PDZRN3: variants seen among roughly 807,000 people sequenced by gnomAD.
PDZRN3 encodes the protein E3 ubiquitin-protein ligase PDZRN3.
Under a neutral mutation model 85.7 loss-of-function variants are expected in PDZRN3, and 38 were observed. The observed-to-expected ratio is 0.44, with a 90% CI of 0.34 to 0.58. The LOEUF is 0.58. Among genes scored for constraint, PDZRN3 ranks in the 20% least tolerant of loss-of-function variants. The pLI, the probability that PDZRN3 is intolerant of heterozygous loss-of-function variation, is 0.01. For synonymous variants in PDZRN3, 759 were observed against 638.0 expected (o/e 1.19, Z -2.86); for missense variants, 1,629 against 1,506.4 (o/e 1.08, Z -1.35).
In PDZRN3 at chr3:73,481,462, T is replaced by C. The variant is rs531451856; in HGVS notation, c.919-77067A>G. Among the ~76,000 whole-genome samples the C allele has an allele frequency of 4.7e-4, 72 of 152,044 alleles. 2 individuals are homozygous for C. Among genetic ancestry groups the C allele is most frequent in the Admixed American group, 2.2e-3 (33 of 15,258 alleles). ...TCTTCTGCCTCAGCCTCCCAAGTAGTTGGGATTACAGGCATGCGCCTTCAT... is the reference window on the plus strand; with the variant it reads ...TCTTCTGCCTCAGCCTCCCAAGTAGCTGGGATTACAGGCATGCGCCTTCAT... On this transcript the variant is annotated intron_variant, in intron 3 of 9. Coordinates refer to ENST00000263666, the MANE Select transcript of PDZRN3 (RefSeq NM_015009.3).
intron 3 of PDZRN3, among the ~76,000 whole-genome samples, chr3:73,476,450 C>T (rs1226107883): frequency 6.6e-6 from 1 of 152,184 alleles, no homozygotes; most frequent in Non-Finnish European, 1.5e-5. Flanking sequence ...ATCCAATCAT[C>T]TCCCACCTGG....
At chr3:73,411,401 G>T (rs1418823635) in intron 3 of PDZRN3, among the ~76,000 whole-genome samples, 1 of 152,206 alleles carries the variant, frequency 6.6e-6, no homozygotes, top group African/African-American at 2.4e-5. Context: ...TTCTCTGTCT[G>T]TCTCTGTTTT....
intron 4 of PDZRN3, among the ~76,000 whole-genome samples, chr3:73,401,576 T>C (rs1410218616): frequency 6.6e-6 from 1 of 152,144 alleles, no homozygotes; most frequent in Non-Finnish European, 1.5e-5. Flanking sequence ...CATACAAACA[T>C]GTAGGCATAA....
intron 3 of PDZRN3, among the ~76,000 whole-genome samples, chr3:73,409,646 G>C (rs11128335): frequency 0.64 from 97,448 of 151,962 alleles, 31,642 homozygotes; most frequent in East Asian, 0.86. Flanking sequence ...GACTACACAC[G>C]ATGGAATGCT....
chr3:73,476,950 C>T (rs753277680), intron 3 of PDZRN3, among the ~76,000 whole-genome samples: 15 of 152,098 alleles, frequency 9.9e-5, no homozygotes, highest in Non-Finnish European at 1.9e-4. Flanking sequence ...GTGAGACAAT[C>T]GGTTTTTTTT....
chr3:73,470,766 A>G (rs1440494893), intron 3 of PDZRN3, among the ~76,000 whole-genome samples: 3 of 152,224 alleles, frequency 2.0e-5, no homozygotes, highest in Non-Finnish European at 4.4e-5. Flanking sequence ...TGCAGGACCC[A>G]AAGACCCACT....
At chr3:73,543,054 G>T (rs566105581) in intron 3 of PDZRN3, among the ~76,000 whole-genome samples, 3 of 152,306 alleles carry the variant, frequency 2.0e-5, no homozygotes, top group Middle Eastern at 3.4e-3. Flanking sequence ...AATACACACT[G>T]CTCATATTCA....
intron 3 of PDZRN3, among the ~76,000 whole-genome samples, chr3:73,430,890 C>A (rs1702417535): frequency 1.3e-5 from 2 of 152,174 alleles, no homozygotes; most frequent in Non-Finnish European, 2.9e-5. Flanking sequence ...AATAGTGCTT[C>A]TGAGTACTCA....
chr3:73,408,401 A>G (rs1234221239), intron 3 of PDZRN3: 19 of 582,280 alleles, frequency 3.3e-5, no homozygotes, highest in Admixed American at 2.8e-4. Flanking sequence ...GAAGAGACAC[A>G]TTTTCCCAGG....
At chr3:73,452,839 C>CTG (rs35308043) in intron 3 of PDZRN3, among the ~76,000 whole-genome samples, 2,984 of 140,704 alleles carry the variant, frequency 0.021, 84 homozygotes, top group African/African-American at 0.066. Flanking sequence ...GTCCATATAT[C>CTG]TGTGTGTGTG....
chr3:73,481,839 C>T (rs1452126773), intron 3 of PDZRN3, among the ~76,000 whole-genome samples: 3 of 152,124 alleles, frequency 2.0e-5, no homozygotes, highest in African/African-American at 7.2e-5. Flanking sequence ...TAGAAAAGAA[C>T]AGTCCAGAAG....
intron 7 of PDZRN3, among the ~76,000 whole-genome samples, chr3:73,388,842 G>A (rs1349065012): frequency 2.2e-5 from 3 of 138,974 alleles, no homozygotes; most frequent in Non-Finnish European, 4.6e-5. Flanking sequence ...AGGCAGGGAG[G>A]ATTGTGTCTG....
intron 3 of PDZRN3, among the ~76,000 whole-genome samples, chr3:73,532,749 A>C (rs966245651): frequency 4.6e-5 from 7 of 152,198 alleles, no homozygotes. Context: ...GTCCTGGGAG[A>C]ATAAGTGAAG....
At chr3:73,511,886 A>G (rs1321986327) in intron 3 of PDZRN3, among the ~76,000 whole-genome samples, 1 of 152,244 alleles carries the variant, frequency 6.6e-6, no homozygotes, top group East Asian at 1.9e-4. Context: ...CGAATACACA[A>G]TATTTCCATT....
At chr3:73,610,543 A>G (rs535608264) in intron 1 of PDZRN3, among the ~76,000 whole-genome samples, 1 of 152,368 alleles carries the variant, frequency 6.6e-6, no homozygotes, top group Non-Finnish European at 1.5e-5. Flanking sequence ...CTTTCTACTT[A>G]GGACGCTGAA....
At chr3:73,486,356 C>T (rs1703661028) in intron 3 of PDZRN3, among the ~76,000 whole-genome samples, 1 of 151,596 alleles carries the variant, frequency 6.6e-6, no homozygotes, top group South Asian at 2.1e-4. Context: ...GGCTTTGGAG[C>T]TGGCAGGGCA....
intron 3 of PDZRN3, among the ~76,000 whole-genome samples, chr3:73,563,449 T>A (rs1358344492): frequency 6.6e-6 from 1 of 151,246 alleles, no homozygotes; most frequent in Non-Finnish European, 1.5e-5. Context: ...TAATCACCTT[T>A]ACACAGACTA....
chr3:73,536,735 C>T (rs552381452), intron 3 of PDZRN3, among the ~76,000 whole-genome samples: 72 of 152,182 alleles, frequency 4.7e-4, no homozygotes, highest in African/African-American at 1.7e-3. Context: ...TAGGTCTCTA[C>T]CCAAGGGAAA....
rs370987104 is a variant in PDZRN3 at position 73,384,549 on chromosome 3, C to T, written c.2017G>A (p.Ala673Thr). 2 of 1,613,694 alleles carry T rather than the reference C, an allele frequency of 1.2e-6. No homozygotes were observed. Among genetic ancestry groups the T allele is most frequent in the South Asian group, 1.1e-5 (1 of 91,088 alleles). ...GLYYPSGPLD[A>T]GKSDPESVDK... ...ACGCTCTCAGGGTCACTCTTGCCGGCGTCCAGGGGGCCGCTAGGGTAGTAC... is the reference window on the plus strand; with the variant it reads ...ACGCTCTCAGGGTCACTCTTGCCGGTGTCCAGGGGGCCGCTAGGGTAGTAC... The change falls in exon 10 of 10, where the codon GCC becomes ACC. Residue 673 changes from alanine to threonine, a missense_variant. Physicochemically the swap from Ala to Thr is moderately conservative, Grantham distance 58. Transcript: ENST00000263666.
Sources: gnomAD v4.1 joint callset for allele counts (sites outside exome capture counted in the v4.1 genomes callset) on GRCh38, gnomAD v4.1.1 for gene constraint, MANE v1.5 for transcripts, NCBI Gene and HGNC (gene_info 2026-07-23, HGNC 2026-07-21) for gene names.